The following XKR6 variants were observed in gnomAD, a reference collection of about 807,000 sequenced individuals.
XKR6 encodes XK related 6, also known as XK-related protein 6.
XKR6 carries 22 observed loss-of-function variants against 56.7 expected under a neutral mutation model. The observed-to-expected ratio is 0.39, with a 90% CI of 0.28 to 0.55. The LOEUF is 0.55. Ranked by LOEUF, XKR6 falls within the 20% of genes least tolerant of loss-of-function variation. The probability of loss-of-function intolerance (pLI) is 0.66; values close to 1 mark genes in which losing one functional copy is unlikely to be tolerated. For missense variants in XKR6, 852 were observed against 889.0 expected (o/e 0.96, Z 0.53); for synonymous variants, 524 against 387.8 (o/e 1.35, Z -4.13).
intron 1 of XKR6, among the ~76,000 whole-genome samples, chr8:11,093,734 A>C (rs529813149): frequency 3.2e-4 from 49 of 152,260 alleles, no homozygotes; most frequent in Non-Finnish European, 5.3e-4. Context: ...TGTACTCTCT[A>C]TAATTCAAAA....
intron 1 of XKR6, among the ~76,000 whole-genome samples, chr8:11,023,783 G>A (rs143667637): frequency 2.2e-4 from 33 of 152,314 alleles, no homozygotes; most frequent in Admixed American, 6.5e-4. Context: ...ACCTGCTGCG[G>A]AGCCACCTGC....
chr8:11,130,504 G>A (rs376315947), intron 1 of XKR6, among the ~76,000 whole-genome samples: 9 of 152,104 alleles, frequency 5.9e-5, no homozygotes, highest in African/African-American at 1.9e-4. Flanking sequence ...AACAAAAGAT[G>A]GGTTCATTAA....
At chr8:10,992,084 T>C (rs2129140582) in intron 1 of XKR6, among the ~76,000 whole-genome samples, 1 of 152,284 alleles carries the variant, frequency 6.6e-6, no homozygotes, top group South Asian at 2.1e-4. Context: ...CTCCACAGTC[T>C]AAATACCAAG....
chr8:10,944,489 C>T (rs560167538), intron 1 of XKR6, among the ~76,000 whole-genome samples: 10 of 152,176 alleles, frequency 6.6e-5, no homozygotes, highest in Admixed American at 2.0e-4. Context: ...ATTCACCACA[C>T]GGCAGGGCAG....
intron 2 of XKR6, among the ~76,000 whole-genome samples, chr8:10,917,151 G>A (rs994963900): frequency 6.6e-6 from 1 of 152,096 alleles, no homozygotes; most frequent in African/African-American, 2.4e-5. Flanking sequence ...AACCCTCTGG[G>A]AGAGGCATGG....
rs775773148 is a variant in XKR6 at position 11,201,222 on chromosome 8, C to T, written c.118G>A (p.Gly40Ser). 11 of 1,539,832 alleles carry T rather than the reference C, an allele frequency of 7.1e-6. 1 individual carries two copies. Among genetic ancestry groups the T allele is most frequent in the African/African-American group, 2.8e-5 (2 of 72,512 alleles). ...EDGEPGGGGC[G>S]GGGDGSEPGE... ...GGCTCGCTGCCGTCGCCGCCGCCGC[C>T]GCAGCCGCCTCCCCCGGGCTCCCCG... is the stretch of plus-strand genomic sequence containing the variant. The change falls in exon 1 of 3, where the codon GGC becomes AGC. Residue 40 changes from glycine to serine, a missense_variant. Around this residue, in one of 4 missense-constraint regions of XKR6, gnomAD observed 417 missense variants for 355.2 expected, o/e 1.17. Coordinates refer to ENST00000416569, the MANE Select transcript of XKR6 (RefSeq NM_173683.4).
intron 1 of XKR6, among the ~76,000 whole-genome samples, chr8:11,079,537 G>A (rs1004558157): frequency 1.3e-5 from 2 of 152,220 alleles, no homozygotes; most frequent in Admixed American, 1.3e-4. Context: ...CCAATTGTTA[G>A]TAGCTGTCGC....
intron 1 of XKR6, among the ~76,000 whole-genome samples, chr8:11,152,966 T>C (rs1452797861): frequency 1.3e-5 from 2 of 152,232 alleles, no homozygotes; most frequent in East Asian, 3.8e-4. Flanking sequence ...GCTCACAGAA[T>C]GCCACGGTTT....
At chr8:10,989,737 T>C (rs1242165966) in intron 1 of XKR6, among the ~76,000 whole-genome samples, 1 of 152,244 alleles carries the variant, frequency 6.6e-6, no homozygotes, top group Non-Finnish European at 1.5e-5. Flanking sequence ...CATAGCACTG[T>C]TCAGAAGTAT....
intron 1 of XKR6, among the ~76,000 whole-genome samples, chr8:10,976,018 CA>C (rs5889352): frequency 0.023 from 3,482 of 151,554 alleles, 46 homozygotes; most frequent in Middle Eastern, 0.034. Flanking sequence ...ACTAAAAATA[CA>C]AAAAAAATTA....
At chr8:11,064,240 C>G (rs570999084) in intron 1 of XKR6, among the ~76,000 whole-genome samples, 97 of 152,296 alleles carry the variant, frequency 6.4e-4, no homozygotes, top group African/African-American at 2.3e-3. Context: ...GAGACACACT[C>G]CCTCCCCATT....
chr8:10,927,787 GC>G (rs928390548), intron 1 of XKR6, among the ~76,000 whole-genome samples: 1 of 152,168 alleles, frequency 6.6e-6, no homozygotes, highest in African/African-American at 2.4e-5. Flanking sequence ...TGTGGGAAGA[GC>G]CAGGGTGGAT....
chr8:11,195,111 T>G (rs1186270910), intron 1 of XKR6: 2 of 703,086 alleles, frequency 2.8e-6, no homozygotes, highest in Non-Finnish European at 5.2e-6. Flanking sequence ...AAGCAAGTAT[T>G]TCTGGATTTT....
chr8:11,114,465 G>A (rs1216499899), intron 1 of XKR6, among the ~76,000 whole-genome samples: 7 of 152,214 alleles, frequency 4.6e-5, no homozygotes, highest in Non-Finnish European at 5.9e-5. Flanking sequence ...GGGTTCAAGC[G>A]ATTCTCCTGC....
rs138676394 is a variant in XKR6, at chr8:11,122,146, T to C, written c.764+78430A>G. Among the ~76,000 whole-genome samples the C allele has an allele frequency of 3.9e-4, 60 of 152,314 alleles. No homozygotes were observed. The East Asian group carries it at 0.011, about 27-fold the overall frequency. On this transcript the variant is annotated intron_variant, in intron 1 of 2. Coordinates refer to ENST00000416569, the MANE Select transcript of XKR6 (RefSeq NM_173683.4). ...GATGAACTGCTGTTGCCACAGTCTC[T>C]TTCAGTGATCTTAAGTCTCCAAGCC...
rs1173055876 is a variant in XKR6, at chr8:11,200,510, G to T, written c.764+66C>A. On this transcript the variant is annotated intron_variant, in intron 1 of 2. Coordinates refer to ENST00000416569, the MANE Select transcript of XKR6 (RefSeq NM_173683.4). The surrounding 1 kb of genome is among the most constrained non-coding windows in gnomAD (Gnocchi z 6.4). ...GGGCCCTTTCGAGGGGCCGCCCCGCGAAGCACCGGGAGGGCGGAGGGGGGC... is the reference window on the plus strand; with the variant it reads ...GGGCCCTTTCGAGGGGCCGCCCCGCTAAGCACCGGGAGGGCGGAGGGGGGC... 11 of 1,380,408 alleles carry T rather than the reference G, an allele frequency of 8.0e-6. No homozygotes were observed. The South Asian group carries it at 1.4e-4, about 18-fold the overall frequency. 85.5% of individuals were successfully genotyped at this position (1,380,408 alleles called of 1,614,324 possible).
intron 1 of XKR6, among the ~76,000 whole-genome samples, chr8:11,036,191 T>G (rs1799139003): frequency 6.6e-6 from 1 of 152,130 alleles, no homozygotes; most frequent in Non-Finnish European, 1.5e-5. Context: ...CAAGTGATCC[T>G]CCTGCCTCAG....
intron 2 of XKR6, among the ~76,000 whole-genome samples, chr8:10,907,134 A>T (rs1800208581): frequency 6.6e-6 from 1 of 152,222 alleles, no homozygotes; most frequent in African/African-American, 2.4e-5. Flanking sequence ...GGACTGACAA[A>T]TATGTGGCCG....
chr8:11,054,438 T>G (rs1257067543), intron 1 of XKR6, among the ~76,000 whole-genome samples: 1 of 152,222 alleles, frequency 6.6e-6, no homozygotes, highest in Non-Finnish European at 1.5e-5. Context: ...TGCCCAAATA[T>G]GCAATGTCCT....
Sources: allele counts gnomAD v4.1 joint callset (sites outside exome capture counted in the v4.1 genomes callset), GRCh38; gene constraint gnomAD v4.1.1; regional missense constraint gnomAD v4.1.1; non-coding constraint Gnocchi (gnomAD v3.1); transcripts MANE v1.5; gene names NCBI Gene and HGNC (gene_info 2026-07-23, HGNC 2026-07-21).